Variants in CUBN observed in about 807,000 individuals in gnomAD.
CUBN encodes cubilin.
In CUBN, 282 loss-of-function variants were observed where a neutral mutation model predicts 405.3. That is an observed-to-expected ratio of 0.70 (90% CI 0.63 to 0.77). CUBN has a LOEUF of 0.77. CUBN is among the 30% of genes least tolerant of loss of function. The pLI is 0.00. For synonymous variants in CUBN, 1,684 were observed against 1,617.0 expected (o/e 1.04, Z -0.99); for missense variants, 4,514 against 4,475.2 (o/e 1.01, Z -0.25).
At chr10:17,125,736 C>T (rs1837167938) in intron 4 of CUBN, among the ~76,000 whole-genome samples, 1 of 152,282 alleles carries the variant, frequency 6.6e-6, no homozygotes, top group South Asian at 2.1e-4. Flanking sequence ...ATTCAACATT[C>T]CTCCTGAGGG....
intron 27 of CUBN, among the ~76,000 whole-genome samples, chr10:17,025,933 G>C (rs902458637): frequency 4.6e-5 from 7 of 152,178 alleles, no homozygotes; most frequent in African/African-American, 1.2e-4. Context: ...GCAGCAAAGA[G>C]AGTTAGGAAA....
intron 5 of CUBN, 43 bp from the exon 6 acceptor site, chr10:17,122,941 G>T: frequency 7.6e-7 from 1 of 1,311,248 alleles, no homozygotes; most frequent in Non-Finnish European, 1.1e-6. Context: ...AAAGGTCACA[G>T]AGGTATCTGG....
At chr10:17,084,553 C>T (rs1159113241) in intron 16 of CUBN, 92 bp from the exon 17 acceptor site, 4 of 936,048 alleles carry the variant, frequency 4.3e-6, no homozygotes, top group African/African-American at 1.6e-5. Context: ...TACCCACACA[C>T]ACACACACAC....
At chr10:16,876,383 A>G (rs928303044) in intron 57 of CUBN, among the ~76,000 whole-genome samples, 1 of 152,254 alleles carries the variant, frequency 6.6e-6, no homozygotes, top group Admixed American at 6.5e-5. Context: ...TTTGATGCAG[A>G]GAAGTTGTAA....
intron 50 of CUBN, 103 bp downstream of exon 50, chr10:16,906,100 C>A (rs1363716436): frequency 6.3e-6 from 6 of 947,810 alleles, no homozygotes; most frequent in Non-Finnish European, 1.0e-5. Flanking sequence ...GGCAAGAGAG[C>A]AAGCTCCTGT....
rs1842943027 is a variant in CUBN at position 16,952,329 on chromosome 10, G to T, written c.4916C>A (p.Ala1639Asp). The change falls in exon 33 of 67, where the codon GCC (alanine) becomes GAC (aspartate). Residue 1639 changes from alanine to aspartate, a missense_variant. Around this residue, in one of 5 missense-constraint regions of CUBN, gnomAD observed 1,613 missense variants for 1,542.8 expected, o/e 1.05. Transcript: ENST00000377833. ...FDTVSSPRFP[A>D]NYPNNQNCSW... ...GCAGTTCTGATTGTTTGGATAATTG[G>T]CAGGGAACCGTGGAGAGGAAACAGT... is the stretch of plus-strand genomic sequence containing the variant. The T allele has an allele frequency of 6.2e-7, 1 of 1,613,878 alleles. No homozygotes were observed. Among genetic ancestry groups the T allele is most frequent in the Non-Finnish European group, 8.5e-7 (1 of 1,179,918 alleles).
chr10:16,963,908 C>A (rs1843314595), intron 31 of CUBN, among the ~76,000 whole-genome samples: 1 of 152,050 alleles, frequency 6.6e-6, no homozygotes, highest in Non-Finnish European at 1.5e-5. Context: ...CTATAAAAAC[C>A]TTCATGGGAA....
chr10:16,919,866 C>T (rs1841983509), intron 44 of CUBN, 97 bp downstream of exon 44: 3 of 1,264,360 alleles, frequency 2.4e-6, no homozygotes, highest in Middle Eastern at 2.6e-4. Flanking sequence ...GATTTCCTTG[C>T]AGTATGTGCT....
chr10:17,040,430 A>C (rs2131814223), intron 27 of CUBN, among the ~76,000 whole-genome samples: 1 of 152,276 alleles, frequency 6.6e-6, no homozygotes, highest in Admixed American at 6.5e-5. Context: ...AGTTATCAAA[A>C]AGCTTTTTAA....
intron 59 of CUBN, among the ~76,000 whole-genome samples, chr10:16,867,740 C>T (rs1006761521): frequency 6.6e-6 from 1 of 152,108 alleles, no homozygotes; most frequent in Non-Finnish European, 1.5e-5. Context: ...TTCAATGACT[C>T]GTGCATAGAG....
chr10:17,067,958 T>C, intron 21 of CUBN, 106 bp downstream of exon 21: 2 of 842,336 alleles, frequency 2.4e-6, no homozygotes, highest in African/African-American at 1.8e-5. Context: ...AGCATGAGGA[T>C]CTCACCTGGT....
intron 59 of CUBN, among the ~76,000 whole-genome samples, chr10:16,862,372 T>C (rs904842228): frequency 6.6e-6 from 1 of 152,106 alleles, no homozygotes; most frequent in Non-Finnish European, 1.5e-5. Flanking sequence ...CTTTGTAAAA[T>C]GGGGTAATTC....
intron 6 of CUBN, among the ~76,000 whole-genome samples, chr10:17,118,006 T>A (rs562661763): frequency 6.6e-6 from 1 of 152,234 alleles, no homozygotes; most frequent in Non-Finnish European, 1.5e-5. Context: ...GCTTAACTAT[T>A]GCAAAATGAC....
At chr10:16,994,935 G>A (rs1588561545) in intron 28 of CUBN, among the ~76,000 whole-genome samples, 1 of 152,018 alleles carries the variant, frequency 6.6e-6, no homozygotes, top group African/African-American at 2.4e-5. Flanking sequence ...TACTAAAAAT[G>A]CAAAAATTAG....
At chr10:16,962,512 T>C (rs1173330427) in intron 31 of CUBN, among the ~76,000 whole-genome samples, 3 of 152,140 alleles carry the variant, frequency 2.0e-5, no homozygotes, top group Non-Finnish European at 2.9e-5. Context: ...CTGGTATTCA[T>C]GCCTCTGTGT....
At chr10:17,046,502 G>C (rs1835136281) in intron 23 of CUBN, among the ~76,000 whole-genome samples, 1 of 152,066 alleles carries the variant, frequency 6.6e-6, no homozygotes, top group Non-Finnish European at 1.5e-5. Flanking sequence ...GGAAATTTTT[G>C]AAATGTAATA....
In CUBN at chr10:17,108,381, ATGTGTGTGTG is replaced by A. The variant is rs34953406; in HGVS notation, c.1111+1249_1111+1258del. ...TTAATAAGCATTTAGTCACAAGTAT[ATGTGTGTGTG>A]TGTGTGTGTGTGTGTGTTTACATAC... On this transcript the variant is annotated intron_variant, in intron 10 of 66. Transcript: ENST00000377833. Among the ~76,000 whole-genome samples, 21 of 150,982 alleles carry A rather than the reference ATGTGTGTGTG, an allele frequency of 1.4e-4. No homozygotes were observed. The South Asian group carries it at 2.9e-3, about 21-fold the overall frequency.
intron 21 of CUBN, among the ~76,000 whole-genome samples, chr10:17,065,858 G>C (rs1835603158): frequency 6.6e-6 from 1 of 152,046 alleles, no homozygotes; most frequent in African/African-American, 2.4e-5. Flanking sequence ...GTATGTGACT[G>C]GCTATGTGAG....
chr10:17,126,974 A>G (rs1411573513), intron 3 of CUBN, among the ~76,000 whole-genome samples, 175 bp from the exon 4 acceptor site: 1 of 151,390 alleles, frequency 6.6e-6, no homozygotes, highest in African/African-American at 2.4e-5. Flanking sequence ...CTTCCTTCCT[A>G]TTCCCTCCTA....
Sources: allele counts gnomAD v4.1 joint callset (sites outside exome capture counted in the v4.1 genomes callset), GRCh38; gene constraint gnomAD v4.1.1; regional missense constraint gnomAD v4.1.1; transcripts MANE v1.5; gene names NCBI Gene and HGNC (gene_info 2026-07-23, HGNC 2026-07-21).